UTRN: variants seen among roughly 807,000 people sequenced by gnomAD.
UTRN encodes the protein utrophin, also known as dystrophin-related protein 1.
Under a neutral mutation model 463.9 loss-of-function variants are expected in UTRN, and 283 were observed. That is an observed-to-expected ratio of 0.61 (90% confidence interval 0.55 to 0.67). The LOEUF is 0.67. UTRN is among the 30% of genes least tolerant of loss of function. The pLI is 0.00. For synonymous variants in UTRN, 1,442 were observed against 1,431.5 expected (o/e 1.01, Z -0.17); for missense variants, 3,922 against 4,084.3 (o/e 0.96, Z 1.08).
rs769572263 is a variant in UTRN at position 144,516,819 on chromosome 6, G to A, written c.5412G>A (p.Glu1804=). 14 of 1,476,494 alleles carry A rather than the reference G, an allele frequency of 9.5e-6. No homozygotes were observed. The South Asian group carries it at 1.2e-4, about 13-fold the overall frequency. 91.5% of individuals were successfully genotyped at this position (1,476,494 alleles called of 1,614,324 possible). ...ESSDEDEKMD[E]ESAQIEEVLQ... ...TCCTTTTAAAAATTTAGATGGATGAGGAGAGTGCCCAGATTGAGGAAGTTC... is the reference window on the plus strand; with the variant it reads ...TCCTTTTAAAAATTTAGATGGATGAAGAGAGTGCCCAGATTGAGGAAGTTC... Residue 1804 remains glutamate (E), a synonymous_variant, in exon 39 of 75, where the codon GAG becomes GAA. Coordinates refer to ENST00000367545, the MANE Select transcript of UTRN (RefSeq NM_007124.3).
intron 2 of UTRN, among the ~76,000 whole-genome samples, chr6:144,371,480 C>G (rs977482100): frequency 6.6e-6 from 1 of 152,172 alleles, no homozygotes; most frequent in African/African-American, 2.4e-5. Context: ...GGCGCAATCT[C>G]GGCTCACCGC....
intron 65 of UTRN, among the ~76,000 whole-genome samples, chr6:144,818,427 T>C (rs1272265901): frequency 6.6e-6 from 1 of 152,194 alleles, no homozygotes; most frequent in African/African-American, 2.4e-5. Flanking sequence ...AGGGGCCTGA[T>C]GCCTTGCCCA....
intron 51 of UTRN, among the ~76,000 whole-genome samples, chr6:144,607,885 G>C (rs1005225148): frequency 6.6e-6 from 1 of 152,156 alleles, no homozygotes; most frequent in Non-Finnish European, 1.5e-5. Context: ...ATTTGGGACT[G>C]TCTCAGCATT....
At chr6:144,689,284 T>G (rs1586021738) in intron 52 of UTRN, among the ~76,000 whole-genome samples, 1 of 152,108 alleles carries the variant, frequency 6.6e-6, no homozygotes. Context: ...CAATGGTGGG[T>G]GAAGGAGAGA....
intron 51 of UTRN, among the ~76,000 whole-genome samples, chr6:144,626,849 A>G (rs143043144): frequency 1.4e-3 from 212 of 152,276 alleles, no homozygotes; most frequent in African/African-American, 4.8e-3. Context: ...CGTGTTGGCC[A>G]GAATGGTCTC....
At chr6:144,780,092 T>A (rs1396684758) in intron 60 of UTRN, among the ~76,000 whole-genome samples, 1 of 152,228 alleles carries the variant, frequency 6.6e-6, no homozygotes, top group Non-Finnish European at 1.5e-5. Context: ...ACACATTTCA[T>A]ACATGTCTTT....
Position 144,827,368 on chromosome 6 carries a change from T to C in UTRN, c.9515T>C (p.Met3172Thr), listed in dbSNP as rs1189026597. 6.2e-7 allele frequency: 1 copy of C among 1,613,536 alleles called. No homozygotes were observed. The highest frequency in any genetic ancestry group is 1.7e-5 in the Admixed American group (1 of 59,966). Reference sequence around the variant, plus strand: ...TGCAGTCCTATCACACTCATCAGTATGTGGCCAGAGCACTATGAGTGAGTA... The same window carrying C: ...TGCAGTCCTATCACACTCATCAGTACGTGGCCAGAGCACTATGAGTGAGTA... ...NLETPITLIS[M>T]WPEHYDPSQS... Residue 3172 changes from methionine (M) to threonine (T), a missense_variant, in exon 67 of 75, where the codon ATG becomes ACG. By Grantham distance (81) the Met-to-Thr change is moderately conservative (BLOSUM62 -1). This residue lies in a region of UTRN where 1,309 missense variants were observed against 1,452.6 expected (regional missense o/e 0.90). Coordinates refer to ENST00000367545, the MANE Select transcript of UTRN (RefSeq NM_007124.3).
chr6:144,359,008 A>G (rs1174515818), intron 2 of UTRN, among the ~76,000 whole-genome samples: 1 of 152,172 alleles, frequency 6.6e-6, no homozygotes, highest in Non-Finnish European at 1.5e-5. Context: ...TAGTTATACC[A>G]TCATTTATTT....
intron 51 of UTRN, among the ~76,000 whole-genome samples, chr6:144,601,957 G>A (rs1008941327): frequency 4.6e-5 from 7 of 151,998 alleles, no homozygotes; most frequent in Non-Finnish European, 8.8e-5. Flanking sequence ...ACAATCGTTA[G>A]CATTTTTTTT....
At chr6:144,452,060 T>C (rs557821259) in intron 18 of UTRN, among the ~76,000 whole-genome samples, 2 of 152,292 alleles carry the variant, frequency 1.3e-5, no homozygotes, top group East Asian at 3.9e-4. Flanking sequence ...CATTAACTAT[T>C]TGGGCACCTG....
At chr6:144,485,999 C>T (rs1273810664) in intron 28 of UTRN, among the ~76,000 whole-genome samples, 1 of 152,212 alleles carries the variant, frequency 6.6e-6, no homozygotes, top group Non-Finnish European at 1.5e-5. Flanking sequence ...TGGATTTGAA[C>T]TCCTTGAGGC....
At position 144,535,158 on chromosome 6, in the gene UTRN, G is replaced by A. The variant is rs145986138; in HGVS notation, c.6233+1898G>A. On this transcript the variant is annotated intron_variant, in intron 43 of 74. Transcript: ENST00000367545. ...TGCAGTGGCGTGATCTCAGCTCACT[G>A]CAACCTCTGCCTCCCCGGCTCAAGC... 6.9e-3 allele frequency among the ~76,000 whole-genome samples: 1,044 copies of A among 152,306 alleles called. 3 individuals carry two copies. Among genetic ancestry groups the A allele is most frequent in the Middle Eastern group, 0.024 (7 of 294 alleles).
At chr6:144,589,543 T>C (rs138765319) in intron 51 of UTRN, among the ~76,000 whole-genome samples, 119 of 152,276 alleles carry the variant, frequency 7.8e-4, no homozygotes, top group African/African-American at 2.5e-3. Context: ...TAATTTTAGA[T>C]AGAGAATTTT....
At chr6:144,640,271 G>A (rs890292514) in intron 51 of UTRN, among the ~76,000 whole-genome samples, 6 of 152,006 alleles carry the variant, frequency 3.9e-5, no homozygotes, top group Non-Finnish European at 5.9e-5. Context: ...TGTCAGATGC[G>A]CAAAGAGAAA....
intron 66 of UTRN, among the ~76,000 whole-genome samples, chr6:144,822,012 T>C (rs1015046680): frequency 8.6e-5 from 13 of 152,010 alleles, no homozygotes; most frequent in African/African-American, 3.1e-4. Flanking sequence ...TAGAGAAAAT[T>C]GTAGTAAGAA....
intron 52 of UTRN, among the ~76,000 whole-genome samples, chr6:144,699,538 A>G (rs1413345407): frequency 7.7e-6 from 1 of 129,210 alleles, no homozygotes; most frequent in Non-Finnish European, 1.5e-5. Flanking sequence ...TAAATCCTTA[A>G]ATGGCGTAAA....
rs377244064 is a variant in UTRN, at chr6:144,462,845, T to C, written c.3045T>C (p.Ala1015=). The change falls in exon 23 of 75, where the codon GCT becomes GCC. Residue 1015 remains alanine (A), a synonymous_variant. Coordinates refer to ENST00000367545, the MANE Select transcript of UTRN (RefSeq NM_007124.3). ...ATCTACATTTGCTTGAGGAAATTGC[T>C]CTCACACTCAGAGCTTTTGAGGTAA... The part of the protein sequence containing the change: ...SKDLHLLEEI[A]LTLRAFEADS... 1.9e-6 allele frequency: 3 copies of C among 1,604,996 alleles called. No homozygotes were observed. Among genetic ancestry groups the C allele is most frequent in the Non-Finnish European group, 2.5e-6 (3 of 1,178,216 alleles).
At chr6:144,477,682 A>G (rs1791376827) in intron 25 of UTRN, among the ~76,000 whole-genome samples, 1 of 152,146 alleles carries the variant, frequency 6.6e-6, no homozygotes, top group Non-Finnish European at 1.5e-5. Context: ...AAACCACAAT[A>G]CTATGATCAC....
chr6:144,555,102 G>A (rs1184278074), intron 49 of UTRN, among the ~76,000 whole-genome samples: 4 of 151,992 alleles, frequency 2.6e-5, no homozygotes, highest in Non-Finnish European at 4.4e-5. Context: ...GCATGTCTCC[G>A]AGATTTATAG....
Sources: allele counts gnomAD v4.1 joint callset (sites outside exome capture counted in the v4.1 genomes callset), GRCh38; gene constraint gnomAD v4.1.1; regional missense constraint gnomAD v4.1.1; transcripts MANE v1.5; gene names NCBI Gene and HGNC (gene_info 2026-07-23, HGNC 2026-07-21).